KCTD1: variants seen among roughly 807,000 people sequenced by gnomAD.
The protein encoded by KCTD1 is BTB/POZ domain-containing protein KCTD1.
In KCTD1, 24 loss-of-function variants were observed where a neutral mutation model predicts 66.0. That is an observed-to-expected ratio of 0.36 (90% CI 0.26 to 0.51). The LOEUF is 0.51. Among genes scored for constraint, KCTD1 ranks in the 20% least tolerant of loss-of-function variants. KCTD1 has a pLI of 0.95. For missense variants in KCTD1, 943 were observed against 1,205.2 expected, an observed-to-expected ratio of 0.78 and a Z score of 3.22; for synonymous variants, 511 against 517.2, an observed-to-expected ratio of 0.99 and a Z score of 0.16.
chr18:26,533,152 T>C (rs749935321), intron 1 of KCTD1, among the ~76,000 whole-genome samples: 7 of 152,210 alleles, frequency 4.6e-5, no homozygotes, highest in Non-Finnish European at 8.8e-5. Flanking sequence ...TTGGGTTGAT[T>C]GTGGGAACAA....
intron 3 of KCTD1, among the ~76,000 whole-genome samples, chr18:26,470,742 C>A (rs1981012476): frequency 6.6e-6 from 1 of 152,230 alleles, no homozygotes; most frequent in Non-Finnish European, 1.5e-5. Flanking sequence ...TGCGTGTGAC[C>A]ACGGAGAGTC....
At chr18:26,513,090 A>ATC (rs1555637089) in intron 1 of KCTD1, among the ~76,000 whole-genome samples, 1 of 140,250 alleles carries the variant, frequency 7.1e-6, no homozygotes, top group Non-Finnish European at 1.5e-5. Context: ...TCCAGGGTGT[A>ATC]TTTTTTTTTT....
intron 1 of KCTD1, among the ~76,000 whole-genome samples, chr18:26,576,789 G>A (rs192091064): frequency 1.4e-4 from 22 of 151,932 alleles, no homozygotes; most frequent in African/African-American, 5.3e-4. Context: ...GTATATATAG[G>A]CTCAGAATAT....
chr18:26,600,264 C>T (rs1986859459), intron 1 of KCTD1: 9 of 1,606,462 alleles, frequency 5.6e-6, no homozygotes, highest in Non-Finnish European at 7.7e-6. Context: ...GCTGTGCCAG[C>T]TGCCCCTACC....
At chr18:26,457,026 G>A (rs571323156) in intron 4 of KCTD1, 1 of 150,804 alleles carries the variant, frequency 6.6e-6, no homozygotes, top group African/African-American at 2.4e-5. Flanking sequence ...TTTTTAAAAA[G>A]TATTATTTTT....
At chr18:26,642,668 G>C (rs1299052239), upstream of KCTD1, among the ~76,000 whole-genome samples, 1 of 152,216 alleles carries the variant, frequency 6.6e-6, no homozygotes, top group African/African-American at 2.4e-5. Context: ...TTCAGTGACA[G>C]GCAGAGATTA....
intron 1 of KCTD1, among the ~76,000 whole-genome samples, chr18:26,590,754 T>C (rs563149154): frequency 1.7e-4 from 26 of 152,318 alleles, no homozygotes; most frequent in African/African-American, 5.8e-4. Flanking sequence ...TTTTTGGTAT[T>C]TCTAACTCCA....
intron 1 of KCTD1, among the ~76,000 whole-genome samples, chr18:26,639,739 C>T (rs1402068013): frequency 6.6e-6 from 1 of 152,160 alleles, no homozygotes; most frequent in Admixed American, 6.5e-5. Context: ...TGCTGTAGGT[C>T]AAATGCTGAT....
intron 1 of KCTD1, among the ~76,000 whole-genome samples, chr18:26,565,078 T>C (rs577869053): frequency 6.6e-6 from 1 of 152,300 alleles, no homozygotes; most frequent in African/African-American, 2.4e-5. Context: ...GTAGCTATTA[T>C]GGATAAGATG....
At chr18:26,527,912 C>G (rs1053054134) in intron 1 of KCTD1, among the ~76,000 whole-genome samples, 1 of 152,132 alleles carries the variant, frequency 6.6e-6, no homozygotes, top group African/African-American at 2.4e-5. Flanking sequence ...AAATAGTAGC[C>G]TAGCTCTTCC....
upstream of KCTD1, among the ~76,000 whole-genome samples, chr18:26,640,547 A>G (rs1186344067): frequency 6.6e-6 from 1 of 152,184 alleles, no homozygotes; most frequent in Non-Finnish European, 1.5e-5. Context: ...GAGCAAATGC[A>G]TAGGCACCAT....
intron 1 of KCTD1, among the ~76,000 whole-genome samples, chr18:26,554,661 T>C (rs558215806): frequency 3.3e-5 from 5 of 152,348 alleles, no homozygotes; most frequent in African/African-American, 1.2e-4. Flanking sequence ...CAGAGTAAAC[T>C]TAATGCAGTA....
chr18:26,509,769 G>C (rs1455262702), intron 1 of KCTD1, among the ~76,000 whole-genome samples: 3 of 152,154 alleles, frequency 2.0e-5, no homozygotes, highest in Admixed American at 6.5e-5. Flanking sequence ...CACATATACA[G>C]GGCACCCTAA....
intron 3 of KCTD1, chr18:26,460,778 C>T (rs142491361): frequency 6.6e-6 from 1 of 152,074 alleles, no homozygotes; most frequent in African/African-American, 2.4e-5. Flanking sequence ...AAACAGAAAC[C>T]TAACAAAACA....
intron 1 of KCTD1, among the ~76,000 whole-genome samples, chr18:26,572,878 CA>C (rs758411886): frequency 2.6e-5 from 4 of 152,102 alleles, no homozygotes; most frequent in Non-Finnish European, 5.9e-5. Flanking sequence ...CCCAAGTAAA[CA>C]AAGGTCCTCC....
intron 1 of KCTD1, 50 bp downstream of exon 1, chr18:26,546,678 C>A: frequency 1.3e-6 from 2 of 1,506,244 alleles, no homozygotes; most frequent in South Asian, 1.4e-5. Flanking sequence ...AAAGTTAGTC[C>A]CGAAGTGGTA....
At chr18:26,523,845 A>G (rs1048938643) in intron 1 of KCTD1, among the ~76,000 whole-genome samples, 2 of 151,916 alleles carry the variant, frequency 1.3e-5, no homozygotes, top group African/African-American at 4.9e-5. Flanking sequence ...TTTGTGAAAC[A>G]ACAATTAATG....
intron 1 of KCTD1, among the ~76,000 whole-genome samples, chr18:26,580,357 G>A (rs1438685798): frequency 1.3e-5 from 2 of 152,072 alleles, no homozygotes; most frequent in South Asian, 2.1e-4. Flanking sequence ...AGGGAACTTA[G>A]GATACCCAGG....
At chr18:26,524,246 T>G (rs1984050314) in intron 1 of KCTD1, among the ~76,000 whole-genome samples, 1 of 152,176 alleles carries the variant, frequency 6.6e-6, no homozygotes, top group Non-Finnish European at 1.5e-5. Context: ...ACATCCACCC[T>G]TACTTATGGG....
Sources: gnomAD v4.1 joint callset for allele counts (sites outside exome capture counted in the v4.1 genomes callset) on GRCh38, gnomAD v4.1.1 for gene constraint, MANE v1.5 for transcripts, NCBI Gene and HGNC (gene_info 2026-07-23, HGNC 2026-07-21) for gene names.